The following LNP1 variants were observed in gnomAD, a reference collection of about 807,000 sequenced individuals.
LNP1 encodes leukemia NUP98 fusion partner 1.
LNP1 carries 12 observed loss-of-function variants against 14.5 expected under a neutral mutation model. The ratio of observed to expected loss-of-function variants is 0.83; its 90% CI spans 0.53 to 1.34. The LOEUF is 1.34. Among genes scored for constraint, LNP1 ranks in the 40% most tolerant of loss-of-function variants. The pLI is 0.00. For synonymous variants in LNP1, 75 were observed against 71.4 expected (o/e 1.05, Z -0.26); for missense variants, 198 against 210.9 (o/e 0.94, Z 0.38).
At chr3:100,444,826 C>A (rs1707373938) in intron 2 of LNP1, among the ~76,000 whole-genome samples, 3 of 152,152 alleles carry the variant, frequency 2.0e-5, no homozygotes, top group Admixed American at 2.0e-4. Context: ...AAATTTTAAT[C>A]TTGTCTGTAA....
intron 1 of LNP1, among the ~76,000 whole-genome samples, chr3:100,407,666 C>G (rs1706983129): frequency 6.6e-6 from 1 of 152,162 alleles, no homozygotes. Context: ...GCTATTACTG[C>G]TTTAAATAAG....
intron 2 of LNP1, among the ~76,000 whole-genome samples, chr3:100,436,405 G>C (rs1302103396): frequency 6.6e-6 from 1 of 152,050 alleles, no homozygotes; most frequent in Non-Finnish European, 1.5e-5. Context: ...GGTGAAGAGG[G>C]GGTCTGTTCA....
At chr3:100,410,179 CATT>C (rs1480954261) in intron 1 of LNP1, among the ~76,000 whole-genome samples, 5 of 152,044 alleles carry the variant, frequency 3.3e-5, no homozygotes, top group African/African-American at 9.7e-5. Context: ...AAAAAGCCAA[CATT>C]GTTGTGAGGG....
At chr3:100,431,005 G>A (rs184708130) in intron 2 of LNP1, among the ~76,000 whole-genome samples, 27 of 152,268 alleles carry the variant, frequency 1.8e-4, no homozygotes, top group Non-Finnish European at 1.8e-4. Flanking sequence ...AACCTTCCAT[G>A]TTCTGTTATA....
At chr3:100,404,822 T>C (rs1706947976) in intron 1 of LNP1, among the ~76,000 whole-genome samples, 1 of 149,050 alleles carries the variant, frequency 6.7e-6, no homozygotes, top group African/African-American at 2.5e-5. Context: ...AGATGGAATT[T>C]CGCTCTGTTG....
Position 100,408,277 on chromosome 3 carries a change from G to A in LNP1, c.-34+5838G>A, listed in dbSNP as rs137932580. Among the ~76,000 whole-genome samples, 278 of 152,302 alleles carry A rather than the reference G, an allele frequency of 1.8e-3. 4 individuals are homozygous for A. Among genetic ancestry groups the A allele is most frequent in the African/African-American group, 6.4e-3 (266 of 41,558 alleles). On this transcript the variant is annotated intron_variant, in intron 1 of 3. Transcript: ENST00000383693. ...TCCAGAGATTCTAGGCAGGTCATTT[G>A]GTGTGGTCTCCGAGCCTGTGACCAC...
At chr3:100,426,318 G>A (rs765480448) in intron 1 of LNP1, among the ~76,000 whole-genome samples, 14 of 152,252 alleles carry the variant, frequency 9.2e-5, no homozygotes, top group South Asian at 2.1e-4. Flanking sequence ...TCAGAGATTG[G>A]AACAATCCCT....
At chr3:100,452,111 T>A (rs1707465908) in intron 3 of LNP1, among the ~76,000 whole-genome samples, 162 bp downstream of exon 3, 1 of 152,152 alleles carries the variant, frequency 6.6e-6, no homozygotes, top group Non-Finnish European at 1.5e-5. Context: ...CCAGAATGAA[T>A]TTTTAAAGAA....
At chr3:100,439,347 G>A (rs975811150) in intron 2 of LNP1, among the ~76,000 whole-genome samples, 3 of 151,412 alleles carry the variant, frequency 2.0e-5, no homozygotes, top group Non-Finnish European at 2.9e-5. Flanking sequence ...AGTCTGATAT[G>A]TTTTAACATT....
chr3:100,411,844 TG>T (rs1707034786), intron 1 of LNP1, among the ~76,000 whole-genome samples: 1 of 152,070 alleles, frequency 6.6e-6, no homozygotes, highest in Non-Finnish European at 1.5e-5. Context: ...ACCATCGCAT[TG>T]GGGGTTAGGG....
intron 3 of LNP1, 104 bp downstream of exon 3, chr3:100,452,053 C>T: frequency 4.7e-6 from 3 of 635,960 alleles, no homozygotes; most frequent in South Asian, 2.4e-5. Context: ...TCTTCATTTA[C>T]AGCTTGGTAA....
At chr3:100,437,926 AC>A (rs1707306548) in intron 2 of LNP1, among the ~76,000 whole-genome samples, 1 of 152,220 alleles carries the variant, frequency 6.6e-6, no homozygotes, top group African/African-American at 2.4e-5. Context: ...TAATAAAGTC[AC>A]TAGTCACATA....
rs1707034871 is a variant in LNP1, at chr3:100,411,851, T to TA, written c.-34+9413dup. On this transcript the variant is annotated intron_variant, in intron 1 of 3. Coordinates refer to ENST00000383693, the MANE Select transcript of LNP1 (RefSeq NM_001085451.2). ...CTCCAAATACCATCGCATTGGGGGT[T>TA]AGGGCTTCAACATATGGATTTTGGG... is the stretch of plus-strand genomic sequence containing the variant. Among the ~76,000 whole-genome samples the TA allele has an allele frequency of 2.6e-5, 4 of 152,146 alleles. No homozygotes were observed. The South Asian group carries it at 8.3e-4, about 32-fold the overall frequency.
chr3:100,416,599 TTGTGTG>T (rs769199967), intron 1 of LNP1, among the ~76,000 whole-genome samples: 92 of 94,660 alleles, frequency 9.7e-4, no homozygotes, highest in Non-Finnish European at 1.3e-3. Flanking sequence ...TATATCTTTT[TTGTGTG>T]TGTGTGTGTG....
chr3:100,417,990 C>A (rs751537122), intron 1 of LNP1, among the ~76,000 whole-genome samples: 10 of 150,164 alleles, frequency 6.7e-5, no homozygotes, highest in African/African-American at 2.2e-4. Context: ...ATTTCTAATT[C>A]TTTCCTGAGT....
intron 1 of LNP1, among the ~76,000 whole-genome samples, chr3:100,402,754 A>T (rs1226579645): frequency 6.6e-6 from 1 of 150,852 alleles, no homozygotes; most frequent in Non-Finnish European, 1.5e-5. Flanking sequence ...TTTTTTTTTT[A>T]AACCTTTTTC....
At chr3:100,437,137 A>G (rs1707300573) in intron 2 of LNP1, among the ~76,000 whole-genome samples, 1 of 152,216 alleles carries the variant, frequency 6.6e-6, no homozygotes, top group Non-Finnish European at 1.5e-5. Flanking sequence ...AACAAGCATC[A>G]TCACCAGACA....
At chr3:100,445,187 G>T (rs980497765) in intron 2 of LNP1, among the ~76,000 whole-genome samples, 4 of 152,138 alleles carry the variant, frequency 2.6e-5, no homozygotes, top group African/African-American at 9.7e-5. Context: ...CAGGAGAATT[G>T]CTTGAACCCA....
intron 2 of LNP1, among the ~76,000 whole-genome samples, chr3:100,430,221 C>G (rs9843705): frequency 3.3e-5 from 5 of 152,186 alleles, no homozygotes; most frequent in Non-Finnish European, 7.3e-5. Flanking sequence ...GTCTGTGTAG[C>G]CTTGTGGCTC....
Sources: gnomAD v4.1 joint callset for allele counts (sites outside exome capture counted in the v4.1 genomes callset) on GRCh38, gnomAD v4.1.1 for gene constraint, MANE v1.5 for transcripts, NCBI Gene and HGNC (gene_info 2026-07-23, HGNC 2026-07-21) for gene names.